The following DCDC1 variants were observed in gnomAD, a reference collection of about 807,000 sequenced individuals.
The protein encoded by DCDC1 is doublecortin domain containing 1.
In DCDC1, 200 loss-of-function variants were observed where a neutral mutation model predicts 178.3. The ratio of observed to expected loss-of-function variants is 1.12; its 90% CI spans 1.00 to 1.26. The LOEUF is 1.26. DCDC1 is among the 50% of genes most tolerant of loss of function. The pLI, the probability that DCDC1 is intolerant of heterozygous loss-of-function variation, is 0.00. For missense variants in DCDC1, 1,983 were observed against 1,749.2 expected (o/e 1.13, Z -2.38); for synonymous variants, 690 against 604.8 (o/e 1.14, Z -2.07).
intron 22 of DCDC1, among the ~76,000 whole-genome samples, chr11:30,929,547 G>A (rs902877953): frequency 1.3e-5 from 2 of 152,010 alleles, no homozygotes; most frequent in Non-Finnish European, 2.9e-5. Flanking sequence ...GTGTTGATAG[G>A]AAATAGAGCT....
intron 9 of DCDC1, among the ~76,000 whole-genome samples, chr11:31,179,612 CT>C (rs1406869371): frequency 5.6e-4 from 85 of 152,110 alleles, no homozygotes; most frequent in Non-Finnish European, 3.8e-4. Flanking sequence ...TATGTGGGAT[CT>C]TTTTTACTTA....
In DCDC1 at chr11:31,272,704, C is replaced by T. The variant is rs1468649869; in HGVS notation, c.961-7104G>A. Among the ~76,000 whole-genome samples the T allele has an allele frequency of 3.9e-5, 6 of 152,224 alleles. No individual in the cohort carries two copies. The South Asian group carries it at 6.2e-4, about 16-fold the overall frequency. On this transcript the variant is annotated intron_variant, in intron 7 of 38. Transcript: ENST00000684477. Reference sequence around the variant, plus strand: ...CTCCATGTCTCACATACAGGTCATGCTGACGCAAGAAGGGGGTTCCCATGG... The same window carrying T: ...CTCCATGTCTCACATACAGGTCATGTTGACGCAAGAAGGGGGTTCCCATGG...
rs539988172 is a variant in DCDC1, at chr11:31,282,272, T to C, written c.960+8375A>G. ...TAATACATAGAGAGATTTTGAGATA[T>C]AAATTTTCTTCTGTCTCAGTTTTGG... On this transcript the variant is annotated intron_variant, in intron 7 of 38. Coordinates refer to ENST00000684477, the MANE Select transcript of DCDC1 (RefSeq NM_001387274.1). 3.7e-4 allele frequency among the ~76,000 whole-genome samples: 57 copies of C among 152,108 alleles called. 1 individual carries two copies. The highest frequency in any genetic ancestry group is 1.3e-3 in the African/African-American group (52 of 41,578).
intron 11 of DCDC1, among the ~76,000 whole-genome samples, chr11:31,114,864 T>C (rs1959639707): frequency 2.0e-5 from 3 of 152,122 alleles, no homozygotes; most frequent in Admixed American, 2.0e-4. Flanking sequence ...GCAAAGGCAA[T>C]CCGAAGCCAG....
intron 21 of DCDC1, among the ~76,000 whole-genome samples, chr11:30,937,570 C>T (rs1947352768): frequency 6.6e-6 from 1 of 152,150 alleles, no homozygotes; most frequent in Non-Finnish European, 1.5e-5. Flanking sequence ...TCATCTCCTT[C>T]GAGGGAGATC....
intron 25 of DCDC1, 63 bp downstream of exon 25, chr11:30,920,713 C>T (rs1330189810): frequency 4.4e-6 from 7 of 1,578,570 alleles, no homozygotes; most frequent in East Asian, 2.3e-5. Flanking sequence ...GTGCTGTTAT[C>T]GGGCTAATGA....
At chr11:30,933,041 G>A (rs1947040480) in intron 21 of DCDC1, among the ~76,000 whole-genome samples, 1 of 151,150 alleles carries the variant, frequency 6.6e-6, no homozygotes, top group South Asian at 2.1e-4. Flanking sequence ...AGCATCTCCT[G>A]TTAATCTGCA....
At chr11:30,902,226 G>A (rs1232991449) in intron 32 of DCDC1, among the ~76,000 whole-genome samples, 1 of 152,082 alleles carries the variant, frequency 6.6e-6, no homozygotes, top group African/African-American at 2.4e-5. Context: ...CTTGTGAATA[G>A]AATTAAGACC....
At position 31,102,108 on chromosome 11, in the gene DCDC1, T is replaced by C. The variant is rs571559798; in HGVS notation, c.1983+69A>G. The C allele has an allele frequency of 1.1e-3, 578 of 534,814 alleles. 2 individuals carry two copies. The highest frequency in any genetic ancestry group is 1.8e-3 in the Non-Finnish European group (537 of 292,364). 33.1% of individuals were successfully genotyped at this position (534,814 alleles called of 1,614,324 possible). On this transcript the variant is annotated intron_variant, in intron 15 of 38. Coordinates refer to ENST00000684477, the MANE Select transcript of DCDC1 (RefSeq NM_001387274.1). ...AAAAAAAAAAAACTGTCACAAATAT[T>C]CATTATATATTGGTTGAGTGTCCAA... is the stretch of plus-strand genomic sequence containing the variant.
intron 9 of DCDC1, among the ~76,000 whole-genome samples, chr11:31,190,994 G>A (rs1292480893): frequency 6.6e-6 from 1 of 152,010 alleles, no homozygotes; most frequent in African/African-American, 2.4e-5. Context: ...TATCAATGGT[G>A]CAGTATTTGC....
intron 9 of DCDC1, among the ~76,000 whole-genome samples, chr11:31,149,821 A>C (rs1964962666): frequency 6.6e-6 from 1 of 152,164 alleles, no homozygotes; most frequent in African/African-American, 2.4e-5. Flanking sequence ...GACACCTCTG[A>C]ACATCTGAAG....
At chr11:31,178,673 A>G (rs986865068) in intron 9 of DCDC1, among the ~76,000 whole-genome samples, 1 of 152,156 alleles carries the variant, frequency 6.6e-6, no homozygotes, top group Non-Finnish European at 1.5e-5. Context: ...CAACTCAACA[A>G]TAAAAAACAA....
intron 6 of DCDC1, among the ~76,000 whole-genome samples, chr11:31,302,682 T>C (rs1449105190): frequency 6.6e-6 from 1 of 152,194 alleles, no homozygotes; most frequent in Admixed American, 6.6e-5. Flanking sequence ...GAAAGCTTTG[T>C]GTTTCAAGGT....
rs191785059 is a variant in DCDC1 at position 30,918,815 on chromosome 11, C to A, written c.3294-1787G>T. 8.6e-4 allele frequency among the ~76,000 whole-genome samples: 131 copies of A among 152,220 alleles called. 1 individual carries two copies. Among genetic ancestry groups the A allele is most frequent in the African/African-American group, 3.0e-3 (123 of 41,540 alleles). On this transcript the variant is annotated intron_variant, in intron 25 of 38. Transcript: ENST00000684477. ...ATTCAGTGAGGAAATGAGAAAGTTT[C>A]CCCCACTCTCTGTGTTCCAAAAATC...
At chr11:31,156,918 A>C (rs1965768046) in intron 9 of DCDC1, among the ~76,000 whole-genome samples, 1 of 152,218 alleles carries the variant, frequency 6.6e-6, no homozygotes, top group Admixed American at 6.5e-5. Context: ...CTTTCAAGTT[A>C]AAACAATAAT....
chr11:31,103,248 T>C (rs1289396183), intron 14 of DCDC1, among the ~76,000 whole-genome samples: 1 of 152,206 alleles, frequency 6.6e-6, no homozygotes, highest in African/African-American at 2.4e-5. Context: ...GAACATTGCT[T>C]TTGTTTTAAA....
At chr11:31,075,532 CT>C (rs1469476609) in intron 18 of DCDC1, among the ~76,000 whole-genome samples, 4 of 152,000 alleles carry the variant, frequency 2.6e-5, no homozygotes, top group East Asian at 1.9e-4. Flanking sequence ...TAAGTGATCC[CT>C]TTTCTTTGCA....
At chr11:30,931,140 A>C (rs974396374) in intron 22 of DCDC1, among the ~76,000 whole-genome samples, 1 of 152,110 alleles carries the variant, frequency 6.6e-6, no homozygotes, top group African/African-American at 2.4e-5. Context: ...CTCTTCAATG[A>C]TCTATGATGC....
chr11:31,003,165 G>T (rs1489992361), intron 20 of DCDC1, among the ~76,000 whole-genome samples: 6 of 147,112 alleles, frequency 4.1e-5, no homozygotes, highest in African/African-American at 1.6e-4. Flanking sequence ...TATTCCCTCT[G>T]TTTTCCCCAT....
Sources: gnomAD v4.1 joint callset for allele counts (sites outside exome capture counted in the v4.1 genomes callset) on GRCh38, gnomAD v4.1.1 for gene constraint, MANE v1.5 for transcripts, NCBI Gene and HGNC (gene_info 2026-07-23, HGNC 2026-07-21) for gene names.